ASTN2: variants seen among roughly 807,000 people sequenced by gnomAD.
ASTN2 encodes astrotactin-2.
A neutral mutation model predicts 139.8 loss-of-function variants in ASTN2; 54 were observed. The observed-to-expected ratio is 0.39, with a 90% CI of 0.31 to 0.48. ASTN2 has a LOEUF of 0.48. Ranked by LOEUF, ASTN2 falls within the 20% of genes least tolerant of loss-of-function variation. The pLI, the probability that ASTN2 is intolerant of heterozygous loss-of-function variation, is 0.95. For missense variants in ASTN2, 1,565 were observed against 1,725.1 expected, an observed-to-expected ratio of 0.91 and a Z score of 1.64; for synonymous variants, 756 against 719.5, an observed-to-expected ratio of 1.05 and a Z score of -0.81.
chr9:117,110,566 G>A (rs1186358200), intron 4 of ASTN2, among the ~76,000 whole-genome samples: 3 of 152,156 alleles, frequency 2.0e-5, no homozygotes, highest in Non-Finnish European at 4.4e-5. Context: ...TACAGAGGAG[G>A]TTCTGCATAT....
chr9:116,996,822 T>C (rs1837035538), intron 7 of ASTN2, among the ~76,000 whole-genome samples: 1 of 152,180 alleles, frequency 6.6e-6, no homozygotes, highest in Non-Finnish European at 1.5e-5. Context: ...AGGTTTTGCA[T>C]ATATATTTAG....
intron 1 of ASTN2, among the ~76,000 whole-genome samples, chr9:117,310,864 T>A (rs1827953732): frequency 6.6e-6 from 1 of 152,154 alleles, no homozygotes; most frequent in South Asian, 2.1e-4. Flanking sequence ...GCTCAAGCAA[T>A]CTTCCCGCCT....
intron 1 of ASTN2, among the ~76,000 whole-genome samples, chr9:117,312,279 T>C (rs537394279): frequency 1.1e-3 from 170 of 152,258 alleles, no homozygotes; most frequent in African/African-American, 3.6e-3. Context: ...AAGTAATAAA[T>C]AGAGAATCAC....
intron 19 of ASTN2, among the ~76,000 whole-genome samples, chr9:116,556,101 T>C (rs1852600447): frequency 6.6e-6 from 1 of 152,216 alleles, no homozygotes; most frequent in East Asian, 1.9e-4. Context: ...ACACTGTCCC[T>C]GCCCTCCACG....
At chr9:116,745,714 T>A (rs968560544) in intron 13 of ASTN2, among the ~76,000 whole-genome samples, 1 of 152,220 alleles carries the variant, frequency 6.6e-6, no homozygotes, top group African/African-American at 2.4e-5. Flanking sequence ...TACAATGACC[T>A]GTTAACTATG....
chr9:116,725,732 C>A, intron 16 of ASTN2, 39 bp downstream of exon 16: 1 of 1,595,868 alleles, frequency 6.3e-7, no homozygotes, highest in Non-Finnish European at 8.5e-7. Flanking sequence ...CCTCTATAGC[C>A]TGCCTGGCCA....
Position 116,423,624 on chromosome 9 carries a change from A to G in ASTN2, c.*2227T>C, listed in dbSNP as rs1847238508. 6.6e-6 allele frequency among the ~76,000 whole-genome samples: 1 copy of G among 152,236 alleles called. No individual in the cohort carries two copies. The highest frequency in any genetic ancestry group is 1.5e-5 in the Non-Finnish European group (1 of 68,042). ...GAAGTGGTATACATGAGAGGCATTT[A>G]GAAGCTCCACCTGTATACTTAGAGA... On this transcript the variant is annotated 3_prime_UTR_variant, in exon 23 of 23. Coordinates refer to ENST00000313400, the MANE Select transcript of ASTN2 (RefSeq NM_001365068.1).
chr9:116,839,910 G>T (rs1298832022), intron 11 of ASTN2, among the ~76,000 whole-genome samples: 1 of 134,612 alleles, frequency 7.4e-6, no homozygotes, highest in Non-Finnish European at 1.6e-5. Flanking sequence ...ATCATTCTTG[G>T]GTGTTTCTCG....
chr9:116,538,210 A>C (rs1230141222), intron 19 of ASTN2, among the ~76,000 whole-genome samples: 1 of 151,644 alleles, frequency 6.6e-6, no homozygotes, highest in Non-Finnish European at 1.5e-5. Flanking sequence ...GAGGAAGGGA[A>C]AGAGGGAAGA....
In ASTN2 at chr9:116,491,648, C is replaced by T. The variant is rs113320191; in HGVS notation, c.3356-4148G>A. On this transcript the variant is annotated intron_variant, in intron 19 of 22. Coordinates refer to ENST00000313400, the MANE Select transcript of ASTN2 (RefSeq NM_001365068.1). The stretch of plus-strand genomic sequence containing the variant: ...CACTGGATTTCAGAAGGTTTAAATG[C>T]AATTTAGATGAAGACAGGTGAATGA... 3.6e-3 allele frequency among the ~76,000 whole-genome samples: 542 copies of T among 152,276 alleles called. 1 individual carries two copies. Among genetic ancestry groups the T allele is most frequent in the African/African-American group, 0.013 (524 of 41,552 alleles).
chr9:116,877,788 C>G (rs1833342487), intron 10 of ASTN2, among the ~76,000 whole-genome samples: 1 of 152,154 alleles, frequency 6.6e-6, no homozygotes, highest in South Asian at 2.1e-4. Flanking sequence ...CAAAAAAAGC[C>G]ATCTTCTCCT....
chr9:117,144,686 T>G (rs1377239860), intron 3 of ASTN2, among the ~76,000 whole-genome samples: 1 of 51,772 alleles, frequency 1.9e-5, no homozygotes, highest in Non-Finnish European at 5.0e-5. Flanking sequence ...TTTTTTTTTT[T>G]TTTTTTTTTT....
At chr9:116,677,297 C>A (rs1859567198) in intron 16 of ASTN2, among the ~76,000 whole-genome samples, 1 of 151,916 alleles carries the variant, frequency 6.6e-6, no homozygotes, top group South Asian at 2.1e-4. Context: ...GAGGAGGCAC[C>A]ATAGACCCTG....
intron 4 of ASTN2, among the ~76,000 whole-genome samples, chr9:117,122,925 T>C (rs4838232): frequency 0.99 from 151,235 of 152,250 alleles, 75,127 homozygotes; most frequent in Middle Eastern, 1. Context: ...TGATCATCCA[T>C]ATAAAACAGA....
chr9:116,627,467 T>C (rs1766059980), intron 17 of ASTN2, among the ~76,000 whole-genome samples: 1 of 152,202 alleles, frequency 6.6e-6, no homozygotes, highest in South Asian at 2.1e-4. Context: ...TGCCTGCATT[T>C]GGTCCTGGGT....
intron 19 of ASTN2, among the ~76,000 whole-genome samples, chr9:116,605,729 A>G (rs946694887): frequency 6.6e-6 from 1 of 152,192 alleles, no homozygotes; most frequent in Non-Finnish European, 1.5e-5. Flanking sequence ...AGTTGCTGTC[A>G]GTGGCTAGAT....
intron 13 of ASTN2, among the ~76,000 whole-genome samples, chr9:116,746,476 C>T (rs1441065855): frequency 6.6e-6 from 1 of 152,078 alleles, no homozygotes; most frequent in African/African-American, 2.4e-5. Flanking sequence ...TTCACTGGGG[C>T]CTCCTGGTTA....
intron 10 of ASTN2, among the ~76,000 whole-genome samples, chr9:116,925,766 G>T (rs1834735548): frequency 6.6e-6 from 1 of 151,982 alleles, no homozygotes; most frequent in African/African-American, 2.4e-5. Flanking sequence ...TATTAAGAAA[G>T]ATCAAGCTTC....
At chr9:116,911,630 C>T (rs995456930) in intron 10 of ASTN2, among the ~76,000 whole-genome samples, 2 of 152,088 alleles carry the variant, frequency 1.3e-5, no homozygotes, top group African/African-American at 4.8e-5. Context: ...GTGGTTTATG[C>T]GCGGTGGCTC....
Sources: allele counts gnomAD v4.1 joint callset (sites outside exome capture counted in the v4.1 genomes callset), GRCh38; gene constraint gnomAD v4.1.1; transcripts MANE v1.5; gene names NCBI Gene and HGNC (gene_info 2026-07-23, HGNC 2026-07-21).